Variants in CDH10 observed in about 807,000 individuals in gnomAD.
The protein encoded by CDH10 is cadherin-10.
Under a neutral mutation model 73.1 loss-of-function variants are expected in CDH10, and 30 were observed. That is an observed-to-expected ratio of 0.41 (90% CI 0.31 to 0.56). The LOEUF is 0.56. Among genes scored for constraint, CDH10 ranks in the 20% least tolerant of loss-of-function variants. The pLI is 0.27. For missense variants in CDH10, 815 were observed against 973.7 expected (o/e 0.84, Z 2.17); for synonymous variants, 345 against 348.2 (o/e 0.99, Z 0.10).
At chr5:24,596,570 T>C (rs1268416701) in intron 1 of CDH10, among the ~76,000 whole-genome samples, 1 of 152,020 alleles carries the variant, frequency 6.6e-6, no homozygotes, top group Non-Finnish European at 1.5e-5. Flanking sequence ...TGAACATGTC[T>C]ACCACTGGGA....
intron 5 of CDH10, among the ~76,000 whole-genome samples, chr5:24,526,788 G>GA (rs1743549373): frequency 6.6e-6 from 1 of 151,782 alleles, no homozygotes; most frequent in South Asian, 2.1e-4. Context: ...GATGCTGTCC[G>GA]AAAAAAGATC....
At chr5:24,516,479 T>C (rs1743113303) in intron 5 of CDH10, among the ~76,000 whole-genome samples, 2 of 152,148 alleles carry the variant, frequency 1.3e-5, no homozygotes, top group Non-Finnish European at 2.9e-5. Flanking sequence ...ATTTTCAATT[T>C]TTTTTCATTC....
At chr5:24,511,233 G>T in intron 6 of CDH10, 94 bp downstream of exon 6, 1 of 771,926 alleles carries the variant, frequency 1.3e-6, no homozygotes. Flanking sequence ...AATTAGAGTA[G>T]TATTTCCCAA....
chr5:24,535,598 G>T, intron 4 of CDH10, 105 bp downstream of exon 4: 1 of 988,454 alleles, frequency 1.0e-6, no homozygotes, highest in Non-Finnish European at 1.5e-6. Context: ...TCACTCATCT[G>T]TGAGTATTAA....
In CDH10 at chr5:24,497,032, T is replaced by C. The variant is rs117021975; in HGVS notation, c.1515+1366A>G. ...TCAAGATAGGCTAATTCCCTTTTTA[T>C]TGAAATCATCTTTTGATTATTTTCC... On this transcript the variant is annotated intron_variant, in intron 9 of 11. Transcript: ENST00000264463. 9.9e-5 allele frequency among the ~76,000 whole-genome samples: 15 copies of C among 152,248 alleles called. 1 individual carries two copies. In the East Asian group the frequency reaches 2.1e-3, roughly 22 times the overall value.
chr5:24,496,467 T>A (rs1439156143), intron 9 of CDH10, among the ~76,000 whole-genome samples: 2 of 152,132 alleles, frequency 1.3e-5, no homozygotes, highest in African/African-American at 4.8e-5. Context: ...AGGGGACTAC[T>A]AATATTACAT....
At chr5:24,496,614 G>A (rs892250759) in intron 9 of CDH10, among the ~76,000 whole-genome samples, 3 of 152,224 alleles carry the variant, frequency 2.0e-5, no homozygotes, top group Admixed American at 1.3e-4. Flanking sequence ...TGTCCATGTC[G>A]GTGTTCTAAG....
chr5:24,531,568 T>C (rs953485408), intron 5 of CDH10, among the ~76,000 whole-genome samples: 2 of 152,008 alleles, frequency 1.3e-5, no homozygotes, highest in Non-Finnish European at 2.9e-5. Flanking sequence ...AAGTCACGTC[T>C]TACATGGCAG....
intron 5 of CDH10, among the ~76,000 whole-genome samples, chr5:24,527,157 T>C (rs1304244916): frequency 1.3e-5 from 2 of 150,348 alleles, no homozygotes. Context: ...ATTTATGTTT[T>C]GTGTATATAT....
intron 2 of CDH10, among the ~76,000 whole-genome samples, chr5:24,580,273 T>C (rs1745751431): frequency 6.6e-6 from 1 of 152,146 alleles, no homozygotes; most frequent in South Asian, 2.1e-4. Flanking sequence ...TTTATAAAAT[T>C]ATTCATTTTT....
chr5:24,492,751 G>A, intron 10 of CDH10, 66 bp downstream of exon 10: 1 of 758,200 alleles, frequency 1.3e-6, no homozygotes, highest in East Asian at 2.5e-5. Flanking sequence ...ATATTGCAAT[G>A]GTTACACTCG....
At chr5:24,580,938 C>T (rs974388737) in intron 2 of CDH10, among the ~76,000 whole-genome samples, 1 of 152,150 alleles carries the variant, frequency 6.6e-6, no homozygotes, top group Non-Finnish European at 1.5e-5. Flanking sequence ...AATTGACTCT[C>T]TTGCTTCACT....
At chr5:24,546,966 C>G (rs1445728548) in intron 2 of CDH10, among the ~76,000 whole-genome samples, 1 of 152,066 alleles carries the variant, frequency 6.6e-6, no homozygotes, top group Non-Finnish European at 1.5e-5. Flanking sequence ...CATAATGAAA[C>G]ATGGGGTCAA....
chr5:24,498,373 G>T (rs746115406), intron 9 of CDH10, 25 bp downstream of exon 9: 1 of 1,528,668 alleles, frequency 6.5e-7, no homozygotes, highest in Non-Finnish European at 8.9e-7. Context: ...AATCTTTCCA[G>T]AGTTTTAATC....
chr5:24,607,059 T>C (rs1746785725), intron 1 of CDH10, among the ~76,000 whole-genome samples: 1 of 152,146 alleles, frequency 6.6e-6, no homozygotes, highest in Admixed American at 6.5e-5. Context: ...AGAACTTTAT[T>C]TCCTCAGCTT....
chr5:24,507,151 T>C (rs951479425), intron 7 of CDH10, among the ~76,000 whole-genome samples: 1 of 152,148 alleles, frequency 6.6e-6, no homozygotes, highest in African/African-American at 2.4e-5. Context: ...ATGTCAAGTA[T>C]GATCCTTCCC....
chr5:24,598,082 G>C (rs533173074), intron 1 of CDH10, among the ~76,000 whole-genome samples: 84 of 151,938 alleles, frequency 5.5e-4, no homozygotes, highest in African/African-American at 2.0e-3. Context: ...GAAAAATAAA[G>C]GAAAATTTTT....
At chr5:24,540,519 G>A (rs1444685756) in intron 2 of CDH10, among the ~76,000 whole-genome samples, 1 of 151,836 alleles carries the variant, frequency 6.6e-6, no homozygotes, top group Non-Finnish European at 1.5e-5. Flanking sequence ...AGTTTCTGTT[G>A]GATTAGAAAA....
intron 9 of CDH10, among the ~76,000 whole-genome samples, chr5:24,495,574 C>T (rs536154272): frequency 6.6e-6 from 1 of 152,124 alleles, no homozygotes; most frequent in Admixed American, 6.5e-5. Context: ...TTTGGCCAGG[C>T]GCCGTGGCTC....
Sources: allele counts gnomAD v4.1 joint callset (sites outside exome capture counted in the v4.1 genomes callset), GRCh38; gene constraint gnomAD v4.1.1; transcripts MANE v1.5; gene names NCBI Gene and HGNC (gene_info 2026-07-23, HGNC 2026-07-21).